SH3BP4: variants seen among roughly 807,000 people sequenced by gnomAD.
The protein encoded by SH3BP4 is SH3 domain binding protein 4, also known as SH3 domain-binding protein 4.
A neutral mutation model predicts 65.5 loss-of-function variants in SH3BP4; 33 were observed. The ratio of observed to expected loss-of-function variants is 0.50; its 90% confidence interval spans 0.38 to 0.67. The LOEUF (loss-of-function observed/expected upper bound fraction) is 0.67, where lower values mean the gene tolerates loss of function less well. Among genes scored for constraint, SH3BP4 ranks in the 30% least tolerant of loss-of-function variants. SH3BP4 has a pLI of 0.00. For synonymous variants in SH3BP4, 552 were observed against 545.5 expected (o/e 1.01, Z -0.17); for missense variants, 1,134 against 1,261.4 (o/e 0.90, Z 1.53).
In SH3BP4 at chr2:235,013,309, A is replaced by G. The variant is rs113535816; in HGVS notation, c.-133+17933A>G. 3.5e-3 allele frequency among the ~76,000 whole-genome samples: 539 copies of G among 152,058 alleles called. 1 individual carries two copies. The highest frequency in any genetic ancestry group is 5.3e-3 in the Non-Finnish European group (361 of 67,990). ...GAAGGTCCAGCCCGTGTTCCCCACA[A>G]TCACGCAGGAACCTTGTGTATGGAG... On this transcript the variant is annotated intron_variant, in intron 2 of 5. Transcript: ENST00000392011.
intron 3 of SH3BP4, among the ~76,000 whole-genome samples, chr2:235,040,227 A>C (rs747945836): frequency 2.1e-4 from 31 of 150,078 alleles, no homozygotes; most frequent in African/African-American, 7.6e-4. Context: ...GGAGTGAGAC[A>C]CTGTCTCATA....
At chr2:234,968,553 C>T (rs937046733) in intron 1 of SH3BP4, among the ~76,000 whole-genome samples, 1 of 152,004 alleles carries the variant, frequency 6.6e-6, no homozygotes, top group Admixed American at 6.6e-5. Flanking sequence ...ACTTGCAAAT[C>T]GATTGTATTT....
At chr2:235,024,405 T>A (rs1168501503) in intron 2 of SH3BP4, among the ~76,000 whole-genome samples, 2 of 152,180 alleles carry the variant, frequency 1.3e-5, no homozygotes, top group Non-Finnish European at 2.9e-5. Flanking sequence ...GCTTGTGGCT[T>A]TTTGCAACGA....
At position 234,976,980 on chromosome 2, in the gene SH3BP4, T is replaced by C. The variant is rs374818639; in HGVS notation, c.-206-18323T>C. ...AAGGACAGGCTTTATTGTTTGATGA[T>C]AGTGCACCGACATCCATTGTGACAA... On this transcript the variant is annotated intron_variant, in intron 1 of 5. Transcript: ENST00000392011. The surrounding 1 kb of genome is among the most constrained non-coding windows in gnomAD (Gnocchi z 4.7). Among the ~76,000 whole-genome samples the C allele has an allele frequency of 2.2e-4, 33 of 152,298 alleles. No homozygotes were observed. The East Asian group carries it at 5.2e-3, about 24-fold the overall frequency.
intron 2 of SH3BP4, among the ~76,000 whole-genome samples, chr2:235,002,433 G>A (rs1694155703): frequency 6.6e-6 from 1 of 152,114 alleles, no homozygotes; most frequent in South Asian, 2.1e-4. Flanking sequence ...AGAAGCTGAA[G>A]TCATCAAACC....
At chr2:235,049,470 C>T (rs766976593) in intron 4 of SH3BP4, among the ~76,000 whole-genome samples, 1 of 152,154 alleles carries the variant, frequency 6.6e-6, no homozygotes, top group Non-Finnish European at 1.5e-5. Context: ...TGAGTGACTT[C>T]GTGTCAAACC....
intron 2 of SH3BP4, among the ~76,000 whole-genome samples, chr2:234,999,449 G>A (rs1403441389): frequency 6.6e-6 from 1 of 152,154 alleles, no homozygotes; most frequent in Admixed American, 6.5e-5. Context: ...CTCTGTGTTT[G>A]GAATTGTCCC....
Position 234,967,955 on chromosome 2 carries a change from C to A in SH3BP4, c.-207+15785C>A, listed in dbSNP as rs1692882114. 6.6e-6 allele frequency among the ~76,000 whole-genome samples: 1 copy of A among 152,184 alleles called. No homozygotes were observed. Among genetic ancestry groups the A allele is most frequent in the African/African-American group, 2.4e-5 (1 of 41,458 alleles). On this transcript the variant is annotated intron_variant, in intron 1 of 5. Transcript: ENST00000392011. This position sits in a 1 kb window ranked among gnomAD's most constrained non-coding sequence, Gnocchi z 4.6. Reference sequence around the variant, plus strand: ...GTTAGTGCAGGACCGGAAGCTCCCACCCAGATGGTGAAGGCACCTGCTGGG... The same window carrying A: ...GTTAGTGCAGGACCGGAAGCTCCCAACCAGATGGTGAAGGCACCTGCTGGG...
chr2:234,986,981 A>T (rs1693581020), intron 1 of SH3BP4, among the ~76,000 whole-genome samples: 1 of 152,012 alleles, frequency 6.6e-6, no homozygotes, highest in Non-Finnish European at 1.5e-5. Flanking sequence ...CATGTTGGTC[A>T]GGCTGGTCTC....
In SH3BP4 at chr2:235,034,402, A is replaced by G. The variant is rs542685840; in HGVS notation, c.-132-469A>G. The stretch of plus-strand genomic sequence containing the variant: ...TTGGGGCCTCTGCTGGGCTGTGTTC[A>G]TTGATGGCTGCTTCCCGGGGCCGAG... On this transcript the variant is annotated intron_variant, in intron 2 of 5. Coordinates refer to ENST00000392011, the MANE Select transcript of SH3BP4 (RefSeq NM_014521.3). This position sits in a 1 kb window ranked among gnomAD's most constrained non-coding sequence, Gnocchi z 6.2. Among the ~76,000 whole-genome samples, 29 of 152,238 alleles carry G rather than the reference A, an allele frequency of 1.9e-4. No individual in the cohort carries two copies. The highest frequency in any genetic ancestry group is 3.8e-4 in the Non-Finnish European group (26 of 67,978).
rs769789226 is a variant in SH3BP4, at chr2:235,041,413, A to G, written c.644A>G (p.Asn215Ser). Residue 215 changes from asparagine (N) to serine (S), a missense_variant, in exon 4 of 6, where the codon AAC becomes AGC. Physicochemically the swap from Asn to Ser is conservative, Grantham distance 46. Coordinates refer to ENST00000392011, the MANE Select transcript of SH3BP4 (RefSeq NM_014521.3). The surrounding 1 kb of genome is among the most constrained non-coding windows in gnomAD (Gnocchi z 6.0). ...SSSATTNSTG[N>S]IFDELPVTNG... ...TCAGCCACCACGAATAGCACTGGCAACATCTTCGATGAGCTTCCAGTCACA... is the reference window on the plus strand; with the variant it reads ...TCAGCCACCACGAATAGCACTGGCAGCATCTTCGATGAGCTTCCAGTCACA... The G allele has an allele frequency of 1.1e-5, 18 of 1,614,062 alleles. No individual in the cohort carries two copies. Among genetic ancestry groups the G allele is most frequent in the Non-Finnish European group, 1.4e-5 (17 of 1,180,030 alleles).
intron 1 of SH3BP4, among the ~76,000 whole-genome samples, chr2:234,956,725 T>C (rs1297137131): frequency 6.6e-6 from 1 of 151,760 alleles, no homozygotes; most frequent in Non-Finnish European, 1.5e-5. Context: ...GGGTAGTTTT[T>C]TTTTTTAAAT....
At chr2:235,049,136 G>A (rs527903375) in intron 4 of SH3BP4, among the ~76,000 whole-genome samples, 1 of 152,204 alleles carries the variant, frequency 6.6e-6, no homozygotes, top group Non-Finnish European at 1.5e-5. Context: ...TTCATTCTTG[G>A]TGTTGGAAGT....
intron 2 of SH3BP4, among the ~76,000 whole-genome samples, chr2:235,016,231 C>T (rs1454393240): frequency 1.3e-5 from 2 of 151,998 alleles, no homozygotes; most frequent in Non-Finnish European, 2.9e-5. Flanking sequence ...ACCACATGGA[C>T]AGAGACCTGG....
chr2:235,008,613 C>G (rs1694376251), intron 2 of SH3BP4: 1 of 152,242 alleles, frequency 6.6e-6, no homozygotes, highest in Admixed American at 6.5e-5. Flanking sequence ...GCAGTGTCCT[C>G]TGGCTCTGGA....
intron 2 of SH3BP4, among the ~76,000 whole-genome samples, chr2:235,012,682 T>C (rs997146055): frequency 6.6e-6 from 1 of 152,222 alleles, no homozygotes; most frequent in African/African-American, 2.4e-5. Context: ...ATCACCCACC[T>C]TACTCCTCGG....
At position 235,034,793 on chromosome 2, in the gene SH3BP4, TC is replaced by T. The variant is rs1232986635; in HGVS notation, c.-132-75del. The T allele has an allele frequency of 1.8e-6, 1 of 561,406 alleles. No individual in the cohort carries two copies. The highest frequency in any genetic ancestry group is 3.2e-6 in the Non-Finnish European group (1 of 313,810). 34.8% of individuals were successfully genotyped at this position (561,406 alleles called of 1,614,324 possible). A position where few individuals can be genotyped will look rare whatever the true frequency, so the allele number is the denominator to read the frequency against. The stretch of plus-strand genomic sequence containing the variant: ...TAGAACAGCCTGGAAGAAAGAGGAT[TC>T]CCACTTCCCATAAAATTACCATTGA... On this transcript the variant is annotated intron_variant, in intron 2 of 5. Transcript: ENST00000392011. The surrounding 1 kb of genome is among the most constrained non-coding windows in gnomAD (Gnocchi z 6.2).
Position 235,038,250 on chromosome 2 carries a change from T to A in SH3BP4, c.119-2638T>A, listed in dbSNP as rs867997918. ...GGATATATGTATTTTATATATATAT[T>A]ATATATAATATATATTATATATAAT... is the stretch of plus-strand genomic sequence containing the variant. On this transcript the variant is annotated intron_variant, in intron 3 of 5. Transcript: ENST00000392011. Among the ~76,000 whole-genome samples the A allele has an allele frequency of 8.6e-5, 3 of 35,042 alleles. 1 individual carries two copies. The highest frequency in any genetic ancestry group is 1.4e-4 in the African/African-American group (1 of 7,028). The allele number at this position is 35,042 out of a possible 152,430, so 23.0% of individuals were successfully genotyped here. A position where few individuals can be genotyped will look rare whatever the true frequency, so the allele number is the denominator to read the frequency against.
At chr2:235,003,383 A>G (rs1235013340) in intron 2 of SH3BP4, among the ~76,000 whole-genome samples, 2 of 152,250 alleles carry the variant, frequency 1.3e-5, no homozygotes, top group Non-Finnish European at 2.9e-5. Context: ...ATTTGACAGG[A>G]AAAAAGGGGA....
Sources: gnomAD v4.1 joint callset for allele counts (sites outside exome capture counted in the v4.1 genomes callset) on GRCh38, gnomAD v4.1.1 for gene constraint, Gnocchi (gnomAD v3.1) non-coding constraint, MANE v1.5 for transcripts, NCBI Gene and HGNC (gene_info 2026-07-23, HGNC 2026-07-21) for gene names.